Variants in GNB1 observed in about 807,000 individuals in gnomAD.
The protein encoded by GNB1 is guanine nucleotide-binding protein G(I)/G(S)/G(T) subunit beta-1.
GNB1 carries 2 observed loss-of-function variants against 42.9 expected under a neutral mutation model. The observed-to-expected ratio is 0.05, with a 90% CI of 0.02 to 0.15. The LOEUF is 0.15. GNB1 is among the 10% of genes least tolerant of loss of function. The probability of loss-of-function intolerance (pLI) is 1.00; values close to 1 mark genes in which losing one functional copy is unlikely to be tolerated. For missense variants in GNB1, 193 were observed against 462.2 expected (o/e 0.42, Z 5.34); for synonymous variants, 183 against 174.7 (o/e 1.05, Z -0.38).
chr1:1,877,381 C>T (rs1649608827), intron 1 of GNB1, among the ~76,000 whole-genome samples: 1 of 151,008 alleles, frequency 6.6e-6, no homozygotes, highest in African/African-American at 2.4e-5. Context: ...CATCTCTATA[C>T]ACACATGCAT....
At chr1:1,886,893 T>G (rs530770092) in intron 1 of GNB1, among the ~76,000 whole-genome samples, 1 of 152,026 alleles carries the variant, frequency 6.6e-6, no homozygotes, top group African/African-American at 2.4e-5. Flanking sequence ...AGAAGTAATT[T>G]TAGTAGAGAA....
chr1:1,815,911 TCTC>T (rs764043496), intron 4 of GNB1, 49 bp from the exon 5 acceptor site: 18 of 1,113,948 alleles, frequency 1.6e-5, no homozygotes, highest in South Asian at 7.7e-5. Context: ...ATTAAACGAT[TCTC>T]CTCATCACCC....
chr1:1,849,178 T>C (rs772077500), intron 1 of GNB1, among the ~76,000 whole-genome samples: 8 of 152,224 alleles, frequency 5.3e-5, no homozygotes, highest in Non-Finnish European at 1.0e-4. Flanking sequence ...TAGAAGCTCA[T>C]TGACCCCGAT....
At chr1:1,845,026 T>C (rs1314244363) in intron 1 of GNB1, among the ~76,000 whole-genome samples, 2 of 152,244 alleles carry the variant, frequency 1.3e-5, no homozygotes, top group Non-Finnish European at 2.9e-5. Flanking sequence ...GACAACTCTG[T>C]ATCATAATCT....
chr1:1,848,974 T>C (rs1647834576), intron 1 of GNB1, among the ~76,000 whole-genome samples: 2 of 152,318 alleles, frequency 1.3e-5, no homozygotes, highest in Non-Finnish European at 2.9e-5. Context: ...AGCCTCCATG[T>C]TTTTGCTGAG....
intron 5 of GNB1, among the ~76,000 whole-genome samples, chr1:1,814,571 G>T (rs1172456509): frequency 6.6e-6 from 1 of 152,106 alleles, no homozygotes; most frequent in Non-Finnish European, 1.5e-5. Flanking sequence ...GGCTGAGGTG[G>T]AAGGATCACT....
At chr1:1,826,549 T>C (rs971876794) in intron 2 of GNB1, among the ~76,000 whole-genome samples, 1 of 152,148 alleles carries the variant, frequency 6.6e-6, no homozygotes, top group Admixed American at 6.6e-5. Context: ...TCAGTAACCA[T>C]GAACCGCTAC....
intron 1 of GNB1, among the ~76,000 whole-genome samples, chr1:1,872,841 A>C (rs913444881): frequency 6.6e-6 from 1 of 152,162 alleles, no homozygotes; most frequent in African/African-American, 2.4e-5. Context: ...CACCAAGCAC[A>C]GTGTCTTGCT....
chr1:1,873,182 G>T (rs1649344143), intron 1 of GNB1, among the ~76,000 whole-genome samples: 1 of 152,190 alleles, frequency 6.6e-6, no homozygotes, highest in Admixed American at 6.5e-5. Flanking sequence ...TTACAGGCAT[G>T]AGGCAGCACT....
At chr1:1,850,952 G>A (rs1381736142) in intron 1 of GNB1, among the ~76,000 whole-genome samples, 1 of 152,114 alleles carries the variant, frequency 6.6e-6, no homozygotes, top group Non-Finnish European at 1.5e-5. Flanking sequence ...CTTCAACTTC[G>A]TGGCACCATG....
chr1:1,850,544 G>T (rs1570713369), intron 1 of GNB1, among the ~76,000 whole-genome samples: 1 of 151,988 alleles, frequency 6.6e-6, no homozygotes, highest in Non-Finnish European at 1.5e-5. Context: ...AACTCACTGA[G>T]AAAATTATTC....
At chr1:1,841,544 C>G (rs1042873311) in intron 1 of GNB1, among the ~76,000 whole-genome samples, 2 of 152,110 alleles carry the variant, frequency 1.3e-5, no homozygotes, top group African/African-American at 4.8e-5. Context: ...GTGAAAAGAC[C>G]ACTTGTGGAG....
chr1:1,814,884 G>A (rs552379160), intron 5 of GNB1, among the ~76,000 whole-genome samples: 7 of 151,372 alleles, frequency 4.6e-5, no homozygotes, highest in East Asian at 1.9e-4. Context: ...AGGCCGAGGC[G>A]GGTGGATCGT....
At chr1:1,835,290 C>T (rs1647130527) in intron 2 of GNB1, among the ~76,000 whole-genome samples, 3 of 152,190 alleles carry the variant, frequency 2.0e-5, no homozygotes, top group Non-Finnish European at 4.4e-5. Context: ...CTAACCCAGA[C>T]TCTATCTCTT....
intron 1 of GNB1, among the ~76,000 whole-genome samples, chr1:1,858,187 CCTA>C (rs1648410002): frequency 6.6e-6 from 1 of 152,154 alleles, no homozygotes; most frequent in African/African-American, 2.4e-5. Flanking sequence ...GCCTTATCTG[CCTA>C]CTATGTCAAA....
At chr1:1,888,055 C>A (rs1312344044) in intron 1 of GNB1, among the ~76,000 whole-genome samples, 3 of 152,054 alleles carry the variant, frequency 2.0e-5, no homozygotes. Flanking sequence ...CTGAAGATAT[C>A]AAAGAAAAAA....
At chr1:1,803,852 G>A (rs1646658463) in intron 7 of GNB1, among the ~76,000 whole-genome samples, 1 of 151,748 alleles carries the variant, frequency 6.6e-6, no homozygotes, top group African/African-American at 2.4e-5. Flanking sequence ...CGTGGTGGCG[G>A]ACACCTGTGG....
At chr1:1,809,023 G>A (rs1051095702) in intron 5 of GNB1, among the ~76,000 whole-genome samples, 1 of 152,122 alleles carries the variant, frequency 6.6e-6, no homozygotes, top group African/African-American at 2.4e-5. Flanking sequence ...GCTCTCTCAA[G>A]TTTTGTTGAT....
At chr1:1,789,027 C>T (rs1570617342) in intron 10 of GNB1, 26 bp downstream of exon 10, 1 of 1,527,532 alleles carries the variant, frequency 6.5e-7, no homozygotes, top group Non-Finnish European at 9.1e-7. Context: ...GTCCACAAGA[C>T]ACAGAAAGGC....
Sources: allele counts gnomAD v4.1 joint callset (sites outside exome capture counted in the v4.1 genomes callset), GRCh38; gene constraint gnomAD v4.1.1; transcripts MANE v1.5; gene names NCBI Gene and HGNC (gene_info 2026-07-23, HGNC 2026-07-21).